The following C8A variants were observed in gnomAD, a reference collection of about 807,000 sequenced individuals.
C8A encodes the protein complement component C8 alpha chain.
In C8A, 67 loss-of-function variants were observed where a neutral mutation model predicts 65.3. The observed-to-expected ratio is 1.03, with a 90% CI of 0.84 to 1.26. The LOEUF is 1.26. Ranked by LOEUF, C8A falls within the 50% of genes most tolerant of loss-of-function variation. The pLI is 0.00. For synonymous variants in C8A, 290 were observed against 259.4 expected, an observed-to-expected ratio of 1.12 and a Z score of -1.13; for missense variants, 781 against 723.9, an observed-to-expected ratio of 1.08 and a Z score of -0.90.
At chr1:56,886,417 G>A (rs1644300994) in intron 7 of C8A, among the ~76,000 whole-genome samples, 1 of 152,112 alleles carries the variant, frequency 6.6e-6, no homozygotes, top group Non-Finnish European at 1.5e-5. Flanking sequence ...GCTTCTTATT[G>A]CATCATAGTT....
rs567003755 is a variant in C8A at position 56,863,644 on chromosome 1, C to T, written c.78-3965C>T. ...TCTCTCCTTCCAATTCGCCATGTTC[C>T]CCCACTTCAAACTTTTATTATTAGA... On this transcript the variant is annotated intron_variant, in intron 1 of 10. Coordinates refer to ENST00000361249, the MANE Select transcript of C8A (RefSeq NM_000562.3). Among the ~76,000 whole-genome samples, 79 of 152,218 alleles carry T rather than the reference C, an allele frequency of 5.2e-4. No individual in the cohort carries two copies. In the Middle Eastern group the frequency reaches 0.01, roughly 20 times the overall value.
At chr1:56,907,354 T>C (rs904908657) in intron 8 of C8A, among the ~76,000 whole-genome samples, 2 of 152,200 alleles carry the variant, frequency 1.3e-5, no homozygotes, top group African/African-American at 4.8e-5. Context: ...GTGGGTGGAA[T>C]AGATATTAAT....
chr1:56,882,012 G>A (rs1325457358), intron 5 of C8A, among the ~76,000 whole-genome samples: 1 of 152,164 alleles, frequency 6.6e-6, no homozygotes, highest in Non-Finnish European at 1.5e-5. Context: ...GAGTGTGGGG[G>A]AGGACAGGGC....
At position 56,908,035 on chromosome 1, in the gene C8A, G is replaced by T. The variant is rs768353442; in HGVS notation, c.1302G>T (p.Leu434Phe). The change falls in exon 9 of 11, where the codon TTG becomes TTT. Residue 434 changes from leucine (L) to phenylalanine (F), a missense_variant. Leu to Phe is a conservative substitution (Grantham distance 22). Coordinates refer to ENST00000361249, the MANE Select transcript of C8A (RefSeq NM_000562.3). ...GCAGTTCTGGCTGGAGCGGTGGCTT[G>T]GCACAGAACAGGAGCACCATTACAT... ...RGGSSGWSGG[L>F]AQNRSTITYR... 6.2e-7 allele frequency: 1 copy of T among 1,614,100 alleles called. No individual in the cohort carries two copies.
chr1:56,912,268 T>C (rs1462947651), intron 9 of C8A, 135 bp from the exon 10 acceptor site: 1 of 711,668 alleles, frequency 1.4e-6, no homozygotes, highest in East Asian at 2.7e-5. Flanking sequence ...GGATCCAAGG[T>C]GGTGGGATAA....
Position 56,886,010 on chromosome 1 carries a change from A to G in C8A, c.939A>G (p.Gly313=). 6.2e-7 allele frequency: 1 copy of G among 1,614,064 alleles called. No homozygotes were observed. The highest frequency in any genetic ancestry group is 8.5e-7 in the Non-Finnish European group (1 of 1,179,952). ...MRKDDIMLDE[G]MLQSLMELPD... ...AGGATGACATTATGCTGGATGAAGGAATGCTGCAGTCATTAATGGAGCTTC... is the reference window on the plus strand; with the variant it reads ...AGGATGACATTATGCTGGATGAAGGGATGCTGCAGTCATTAATGGAGCTTC... Residue 313 remains glycine (G), a synonymous_variant, in exon 7 of 11, where the codon GGA becomes GGG. Coordinates refer to ENST00000361249, the MANE Select transcript of C8A (RefSeq NM_000562.3).
Position 56,885,424 on chromosome 1 carries a change from T to TTTCCG in C8A, c.856-502_856-501insTCCGT, listed in dbSNP as rs1553175635. 4.9e-4 allele frequency among the ~76,000 whole-genome samples: 44 copies of TTTCCG among 89,984 alleles called. 1 individual carries two copies. The highest frequency in any genetic ancestry group is 1.6e-3 in the South Asian group (5 of 3,214). 59.0% of individuals were successfully genotyped at this position (89,984 alleles called of 152,430 possible). A position where few individuals can be genotyped will look rare whatever the true frequency, so the allele number is the denominator to read the frequency against. On this transcript the variant is annotated intron_variant, in intron 6 of 10. Coordinates refer to ENST00000361249, the MANE Select transcript of C8A (RefSeq NM_000562.3). ...AATATATATTTATTTAAATATATATTTAAATATATATTTAAGTAAATATAT... is the reference window on the plus strand; with the variant it reads ...AATATATATTTATTTAAATATATATTTTCCGTAAATATATATTTAAGTAAATATAT...
At chr1:56,900,744 G>A (rs1275710437) in intron 7 of C8A, among the ~76,000 whole-genome samples, 3 of 152,162 alleles carry the variant, frequency 2.0e-5, no homozygotes, top group African/African-American at 4.8e-5. Context: ...TGTCTATATA[G>A]GCTAAAGTCA....
intron 7 of C8A, among the ~76,000 whole-genome samples, chr1:56,894,979 T>C (rs1255901679): frequency 6.6e-6 from 1 of 152,142 alleles, no homozygotes; most frequent in Non-Finnish European, 1.5e-5. Context: ...CATCTACTAT[T>C]TGTAGAGCAT....
At chr1:56,883,804 G>C in intron 6 of C8A, 123 bp downstream of exon 6, 1 of 816,690 alleles carries the variant, frequency 1.2e-6, no homozygotes, top group Non-Finnish European at 2.0e-6. Flanking sequence ...AATTGGAAAT[G>C]TCTGATCAGT....
chr1:56,896,526 C>T (rs1017196780), intron 7 of C8A, among the ~76,000 whole-genome samples: 1 of 152,270 alleles, frequency 6.6e-6, no homozygotes, highest in African/African-American at 2.4e-5. Flanking sequence ...AGAGGAAGGT[C>T]AGTCTTTTTG....
intron 1 of C8A, among the ~76,000 whole-genome samples, chr1:56,864,128 C>A (rs576577663): frequency 6.6e-6 from 1 of 151,976 alleles, no homozygotes; most frequent in African/African-American, 2.4e-5. Context: ...CAGAGATTGA[C>A]GAAATCATAT....
At chr1:56,887,132 T>C (rs1382368113) in intron 7 of C8A, among the ~76,000 whole-genome samples, 2 of 152,220 alleles carry the variant, frequency 1.3e-5, no homozygotes, top group Non-Finnish European at 2.9e-5. Context: ...GAAGTTTCCT[T>C]GACTGCATCA....
At chr1:56,858,511 GT>G (rs1342648179) in intron 1 of C8A, among the ~76,000 whole-genome samples, 1 of 152,224 alleles carries the variant, frequency 6.6e-6, no homozygotes, top group East Asian at 1.9e-4. Context: ...AGCTTCTAAA[GT>G]TTTTCTTTTT....
At chr1:56,912,733 C>A in intron 10 of C8A, 108 bp downstream of exon 10, 1 of 952,452 alleles carries the variant, frequency 1.0e-6, no homozygotes, top group Non-Finnish European at 1.7e-6. Flanking sequence ...CTCTCCTAGC[C>A]AATACCTAGG....
At chr1:56,864,913 G>A (rs972721555) in intron 1 of C8A, among the ~76,000 whole-genome samples, 6 of 152,078 alleles carry the variant, frequency 3.9e-5, no homozygotes, top group African/African-American at 1.2e-4. Flanking sequence ...GTTTACAGTC[G>A]CACTGATGGT....
chr1:56,862,929 A>G (rs1315704206), intron 1 of C8A, among the ~76,000 whole-genome samples: 1 of 152,238 alleles, frequency 6.6e-6, no homozygotes, highest in Admixed American at 6.5e-5. Flanking sequence ...CAATGCAGTC[A>G]TCCCACTCTG....
chr1:56,906,838 C>T (rs1644470421), intron 8 of C8A, 46 bp downstream of exon 8: 1 of 1,612,110 alleles, frequency 6.2e-7, no homozygotes, highest in Non-Finnish European at 8.5e-7. Context: ...GCCAGGCTTT[C>T]CTTTGGACAC....
At chr1:56,887,856 C>G (rs894947415) in intron 7 of C8A, among the ~76,000 whole-genome samples, 2 of 152,090 alleles carry the variant, frequency 1.3e-5, no homozygotes, top group African/African-American at 4.8e-5. Flanking sequence ...AACTGGAAAC[C>G]ATCATTCTCA....
Sources: gnomAD v4.1 joint callset for allele counts (sites outside exome capture counted in the v4.1 genomes callset) on GRCh38, gnomAD v4.1.1 for gene constraint, MANE v1.5 for transcripts, NCBI Gene and HGNC (gene_info 2026-07-23, HGNC 2026-07-21) for gene names.